NFS1: variants seen among roughly 807,000 people sequenced by gnomAD.
NFS1 encodes the protein cysteine desulfurase.
NFS1 carries 26 observed loss-of-function variants against 57.3 expected under a neutral mutation model. The ratio of observed to expected loss-of-function variants is 0.45; its 90% confidence interval spans 0.33 to 0.63. The LOEUF is 0.63. Ranked by LOEUF, NFS1 falls within the 20% of genes least tolerant of loss-of-function variation. NFS1 has a pLI of 0.02. For missense variants in NFS1, 505 were observed against 605.8 expected (o/e 0.83, Z 1.75); for synonymous variants, 209 against 216.3 (o/e 0.97, Z 0.30).
chr20:35,691,664 T>A (rs1268914441), intron 4 of NFS1, among the ~76,000 whole-genome samples: 2 of 132,382 alleles, frequency 1.5e-5, no homozygotes, highest in African/African-American at 3.0e-5. Flanking sequence ...TCACTTGAAA[T>A]CAGGAGGCAG....
chr20:35,675,651 C>G (rs1327093564), intron 7 of NFS1: 1 of 162,434 alleles, frequency 6.2e-6, no homozygotes, highest in Non-Finnish European at 1.3e-5. Context: ...TCAAGGCGGG[C>G]GGATCACCTG....
At chr20:35,696,842 C>G (rs958486746) in intron 3 of NFS1, among the ~76,000 whole-genome samples, 1 of 152,070 alleles carries the variant, frequency 6.6e-6, no homozygotes. Flanking sequence ...CATGGTGGCT[C>G]AAGCCTGTAA....
chr20:35,685,427 C>T (rs896370659), intron 5 of NFS1, among the ~76,000 whole-genome samples: 5 of 151,338 alleles, frequency 3.3e-5, no homozygotes, highest in African/African-American at 1.2e-4. Context: ...GATGCATAGG[C>T]ACAAGAATCG....
rs1034432083 is a variant in NFS1, at chr20:35,668,967, A to G, written c.*655T>C. 2.0e-5 allele frequency: 3 copies of G among 152,226 alleles called. No homozygotes were observed. The East Asian group carries it at 5.8e-4, about 29-fold the overall frequency. 9.4% of individuals were successfully genotyped at this position (152,226 alleles called of 1,614,324 possible). A position where few individuals can be genotyped will look rare whatever the true frequency, so the allele number is the denominator to read the frequency against. On this transcript the variant is annotated 3_prime_UTR_variant, in exon 13 of 13. Transcript: ENST00000374092. ...CAACCTCTCATAAAGTCACAGAGTA[A>G]ATAGAAGGTGAGTTTATTTCTCCAG...
chr20:35,683,062 A>G (rs1389525532), intron 5 of NFS1, among the ~76,000 whole-genome samples: 1 of 152,016 alleles, frequency 6.6e-6, no homozygotes, highest in Non-Finnish European at 1.5e-5. Flanking sequence ...TGGGCAACAG[A>G]ACAAGATTCC....
intron 5 of NFS1, among the ~76,000 whole-genome samples, chr20:35,683,776 G>A (rs1195587952): frequency 7.5e-6 from 1 of 132,906 alleles, no homozygotes; most frequent in African/African-American, 2.9e-5. Flanking sequence ...GGGCAACAGA[G>A]TGAGACTCCA....
chr20:35,698,551 G>C lies in NFS1; in HGVS notation c.137C>G (p.Thr46Arg), dbSNP rs769997455. 6.2e-7 allele frequency: 1 copy of C among 1,613,776 alleles called. No homozygotes were observed. The highest frequency in any genetic ancestry group is 8.5e-7 in the Non-Finnish European group (1 of 1,179,904). Residue 46 changes from threonine to arginine, a missense_variant, in exon 2 of 13, where the codon ACA (threonine) becomes AGA (arginine). By Grantham distance (71) the Thr-to-Arg change is moderately conservative. Transcript: ENST00000374092. ...TGGCCCCACCTCCGGGGCAGCGGCT[G>C]TATCTGCGGGAACCGCAGACTGAGG... ...RAPQSAVPAD[T>R]AAAPEVGPVL...
In NFS1 at chr20:35,683,697, G is replaced by A. The variant is rs191924311; in HGVS notation, c.562-1716C>T. On this transcript the variant is annotated intron_variant, in intron 5 of 12. Transcript: ENST00000374092. ...CTAGGGAGGCTGAGGCAGGAGAATC[G>A]CTTGAACCTGGGAGGCAGAGGTTGC... Among the ~76,000 whole-genome samples the A allele has an allele frequency of 1.5e-3, 224 of 148,164 alleles. 1 individual carries two copies. Among genetic ancestry groups the A allele is most frequent in the African/African-American group, 5.4e-3 (215 of 39,874 alleles).
intron 12 of NFS1, among the ~76,000 whole-genome samples, chr20:35,671,972 T>C (rs1414678132): frequency 6.6e-6 from 1 of 151,578 alleles, no homozygotes; most frequent in African/African-American, 2.4e-5. Flanking sequence ...TGTTTTTGTT[T>C]TCTTGAGACG....
At position 35,674,863 on chromosome 20, in the gene NFS1, C is replaced by A. The variant is rs139279715; in HGVS notation, c.948+182G>T. The A allele has an allele frequency of 2.6e-4, 200 of 779,932 alleles. 1 individual carries two copies. The East Asian group carries it at 5.2e-3, about 20-fold the overall frequency. 48.3% of individuals were successfully genotyped at this position (779,932 alleles called of 1,614,324 possible). ...AAATGAGCTGATAACTACTAAAAGGCCATGGGTTTTGAAGCCCATAATGTC... is the reference window on the plus strand; with the variant it reads ...AAATGAGCTGATAACTACTAAAAGGACATGGGTTTTGAAGCCCATAATGTC... On this transcript the variant is annotated intron_variant, in intron 8 of 12. Transcript: ENST00000374092.
chr20:35,687,414 TCC>T (rs1491353458), intron 5 of NFS1, among the ~76,000 whole-genome samples: 417 of 149,796 alleles, frequency 2.8e-3, no homozygotes, highest in Admixed American at 0.011. Flanking sequence ...TCTCTCTCTC[TCC>T]TCTCTCTCTC....
At position 35,698,559 on chromosome 20, in the gene NFS1, G is replaced by A. The variant is rs763169361; in HGVS notation, c.129C>T (p.Pro43=). 4 of 1,613,556 alleles carry A rather than the reference G, an allele frequency of 2.5e-6. No homozygotes were observed. Among genetic ancestry groups the A allele is most frequent in the Non-Finnish European group, 3.4e-6 (4 of 1,179,828 alleles). Residue 43 remains proline (P), a synonymous_variant, in exon 2 of 13, where the codon CCC becomes CCT. Transcript: ENST00000374092. The part of the protein sequence containing the change: ...VGDRAPQSAV[P]ADTAAAPEVG... ...CCTCCGGGGCAGCGGCTGTATCTGC[G>A]GGAACCGCAGACTGAGGAGCACGGT...
chr20:35,691,989 C>A (rs2035049167), intron 4 of NFS1, among the ~76,000 whole-genome samples: 1 of 151,906 alleles, frequency 6.6e-6, no homozygotes, highest in South Asian at 2.1e-4. Flanking sequence ...TCAAGACCAG[C>A]CTGACCAACA....
intron 1 of NFS1, 100 bp from the exon 2 acceptor site, chr20:35,698,690 A>T: frequency 6.8e-7 from 1 of 1,468,716 alleles, no homozygotes; most frequent in Non-Finnish European, 9.0e-7. Context: ...GAGGTGAGAT[A>T]AGTGTAAGGG....
At chr20:35,677,368 C>CA (rs11482937) in intron 7 of NFS1, among the ~76,000 whole-genome samples, 10,170 of 144,180 alleles carry the variant, frequency 0.071, 410 homozygotes, top group South Asian at 0.19. Context: ...CCCGTGTCTA[C>CA]AAAAAAAAAA....
chr20:35,669,570 G>C lies in NFS1; in HGVS notation c.*52C>G. ...GTAACAAGGTGTCTGGTTGTGCACG[G>C]GTTGGTGAGGCAGGAGGGGCCAGAC... On this transcript the variant is annotated 3_prime_UTR_variant, in exon 13 of 13. Transcript: ENST00000374092. The C allele has an allele frequency of 6.5e-7, 1 of 1,542,982 alleles. No individual in the cohort carries two copies. Among genetic ancestry groups the C allele is most frequent in the South Asian group, 1.1e-5 (1 of 89,528 alleles).
chr20:35,669,568 C>T lies in NFS1; in HGVS notation c.*54G>A. On this transcript the variant is annotated 3_prime_UTR_variant, in exon 13 of 13. Transcript: ENST00000374092. Reference sequence around the variant, plus strand: ...GTGTAACAAGGTGTCTGGTTGTGCACGGGTTGGTGAGGCAGGAGGGGCCAG... The same window carrying T: ...GTGTAACAAGGTGTCTGGTTGTGCATGGGTTGGTGAGGCAGGAGGGGCCAG... 7 of 1,532,072 alleles carry T rather than the reference C, an allele frequency of 4.6e-6. No individual in the cohort carries two copies. The highest frequency in any genetic ancestry group is 3.4e-5 in the South Asian group (3 of 89,242). The allele number at this position is 1,532,072 out of a possible 1,614,324, so 94.9% of individuals were successfully genotyped here. A position where few individuals can be genotyped will look rare whatever the true frequency, so the allele number is the denominator to read the frequency against.
At chr20:35,671,617 C>T (rs2034655975) in intron 12 of NFS1, among the ~76,000 whole-genome samples, 1 of 150,040 alleles carries the variant, frequency 6.7e-6, no homozygotes, top group South Asian at 2.2e-4. Flanking sequence ...GGGCCAGGTG[C>T]GGTGGCTTGT....
chr20:35,680,307 GA>G (rs1337421073), intron 7 of NFS1, among the ~76,000 whole-genome samples: 22 of 142,188 alleles, frequency 1.5e-4, no homozygotes, highest in East Asian at 2.0e-4. Flanking sequence ...TCCGTCTCAA[GA>G]AAAAAAAAAA....
Sources: allele counts gnomAD v4.1 joint callset (sites outside exome capture counted in the v4.1 genomes callset), GRCh38; gene constraint gnomAD v4.1.1; transcripts MANE v1.5; gene names NCBI Gene and HGNC (gene_info 2026-07-23, HGNC 2026-07-21).